The following ACSM3 variants were observed in gnomAD, a reference collection of about 807,000 sequenced individuals.
ACSM3 encodes the protein acyl-coenzyme A synthetase ACSM3, mitochondrial.
ACSM3 carries 61 observed loss-of-function variants against 74.1 expected under a neutral mutation model. The ratio of observed to expected loss-of-function variants is 0.82; its 90% CI spans 0.67 to 1.02. The LOEUF is 1.02. ACSM3 is among the 50% of genes least tolerant of loss of function. The pLI, the probability that ACSM3 is intolerant of heterozygous loss-of-function variation, is 0.00. For synonymous variants in ACSM3, 213 were observed against 241.5 expected (o/e 0.88, Z 1.09); for missense variants, 660 against 697.0 (o/e 0.95, Z 0.60).
chr16:20,748,218 T>G (rs933523099), intron 1 of ACSM3, among the ~76,000 whole-genome samples: 1 of 152,168 alleles, frequency 6.6e-6, no homozygotes, highest in African/African-American at 2.4e-5. Flanking sequence ...TTAGAGGTTC[T>G]TTCAGTACAA....
intron 1 of ACSM3, among the ~76,000 whole-genome samples, chr16:20,742,940 ATTTTTT>A (rs1218181518): frequency 8.2e-6 from 1 of 121,700 alleles, no homozygotes; most frequent in Non-Finnish European, 1.7e-5. Context: ...ATGTTTGTCT[ATTTTTT>A]TTTTTTTTTT....
chr16:20,776,351 G>T (rs1035548228), intron 3 of ACSM3, among the ~76,000 whole-genome samples: 1 of 152,160 alleles, frequency 6.6e-6, no homozygotes, highest in African/African-American at 2.4e-5. Flanking sequence ...GAACCCTGAT[G>T]GAGAGGCCTG....
At chr16:20,734,247 G>A (rs2152412461) in intron 1 of ACSM3, 1 of 152,680 alleles carries the variant, frequency 6.5e-6, no homozygotes, top group East Asian at 1.9e-4. Context: ...TTTCTTCCGA[G>A]TCCTTTTGTC....
Position 20,704,140 on chromosome 16 carries a change from A to G in ACSM3, c.-190+29318A>G, listed in dbSNP as rs144130637. 1.3e-3 allele frequency among the ~76,000 whole-genome samples: 205 copies of G among 152,304 alleles called. 1 individual carries two copies. The highest frequency in any genetic ancestry group is 4.7e-3 in the African/African-American group (197 of 41,562). On this transcript the variant is annotated intron_variant, in intron 1 of 3. Transcript: ENST00000561584. ...CTGCAAGCTTGATATTTTTATTTTC[A>G]TTACAAAGATGAAGAAATTGAGACT...
At position 20,780,834 on chromosome 16, in the gene ACSM3, TTTAGGATTATCTG is replaced by T. The variant is rs1360446258; in HGVS notation, c.761_773del (p.Leu254Ter). 6 of 1,614,032 alleles carry T rather than the reference TTTAGGATTATCTG, an allele frequency of 3.7e-6. No individual in the cohort carries two copies. Among genetic ancestry groups the T allele is most frequent in the Admixed American group, 1.7e-5 (1 of 59,996 alleles). ...CTGCACACACCCACAGCAGTTTTGGTTTAGGATTATCTGTAAATGGAAGGTATACTTTCACAAA... is the reference window on the plus strand; with the variant it reads ...CTGCACACACCCACAGCAGTTTTGGTTAAATGGAAGGTATACTTTCACAAA... On this transcript the variant is annotated frameshift_variant, in exon 5 of 14. Coordinates refer to ENST00000289416, the MANE Select transcript of ACSM3 (RefSeq NM_005622.4). LOFTEE classifies it high-confidence loss of function.
intron 2 of ACSM3, among the ~76,000 whole-genome samples, chr16:20,755,414 A>G (rs186396897): frequency 6.6e-6 from 1 of 152,306 alleles, no homozygotes; most frequent in East Asian, 1.9e-4. Flanking sequence ...ACAATTAGGT[A>G]TGCTTGAAAT....
In ACSM3 at chr16:20,776,030, T is replaced by A. The variant is rs1346550429; in HGVS notation, c.411T>A (p.Asn137Lys). The A allele has an allele frequency of 6.2e-7, 1 of 1,614,030 alleles. No homozygotes were observed. Among genetic ancestry groups the A allele is most frequent in the Non-Finnish European group, 8.5e-7 (1 of 1,180,020 alleles). The part of the protein sequence containing the change: ...LPRVPEWWLA[N>K]VACLRTGTVL... ...GGGTCCCAGAGTGGTGGCTTGCAAA[T>A]GTGGCCTGTCTGCGAACAGGTTAGT... The change falls in exon 3 of 14, where the codon AAT becomes AAA. Residue 137 changes from asparagine to lysine, a missense_variant. Transcript: ENST00000289416.
At chr16:20,718,942 A>T (rs1231370487) in intron 1 of ACSM3, among the ~76,000 whole-genome samples, 1 of 152,250 alleles carries the variant, frequency 6.6e-6, no homozygotes, top group Admixed American at 6.5e-5. Flanking sequence ...GCTGTAGAAC[A>T]GTGCTTAGCA....
chr16:20,685,518 T>TC, intron 1 of ACSM3: 1 of 998,190 alleles, frequency 1.0e-6, no homozygotes, highest in East Asian at 2.4e-5. Context: ...AGGACTGAGA[T>TC]CCCATTTTAA....
intron 1 of ACSM3, among the ~76,000 whole-genome samples, chr16:20,737,446 C>A (rs907154965): frequency 6.6e-6 from 1 of 152,164 alleles, no homozygotes; most frequent in South Asian, 2.1e-4. Flanking sequence ...TAAATAAACA[C>A]AAATGAAACC....
rs144411258 is a variant in ACSM3, at chr16:20,785,140, T to C, written c.1143+33T>C. 2.4e-4 allele frequency: 394 copies of C among 1,610,230 alleles called. 2 individuals carry two copies. In the African/African-American group the frequency reaches 4.8e-3, roughly 20 times the overall value. ...ACCTCACTGAAAAGACATAGCTGGATTCCATTTAGTCAGATGAATAAAAAC... is the reference window on the plus strand; with the variant it reads ...ACCTCACTGAAAAGACATAGCTGGACTCCATTTAGTCAGATGAATAAAAAC... On this transcript the variant is annotated intron_variant, in intron 8 of 13. Coordinates refer to ENST00000289416, the MANE Select transcript of ACSM3 (RefSeq NM_005622.4).
At chr16:20,685,723 G>C (rs533121812) in intron 1 of ACSM3, among the ~76,000 whole-genome samples, 1 of 151,116 alleles carries the variant, frequency 6.6e-6, no homozygotes, top group Non-Finnish European at 1.5e-5. Context: ...AGGAGGCTGA[G>C]GTAGGAGAAT....
upstream of ACSM3, chr16:20,763,793 A>G (rs905237174): frequency 6.6e-6 from 1 of 152,030 alleles, no homozygotes; most frequent in Non-Finnish European, 1.5e-5. Flanking sequence ...AGAACTAACC[A>G]CTTCGGCAAC....
At chr16:20,750,282 G>A (rs1427384116) in intron 2 of ACSM3, among the ~76,000 whole-genome samples, 1 of 152,074 alleles carries the variant, frequency 6.6e-6, no homozygotes. Flanking sequence ...TGTTAAAATA[G>A]TGTTATTTCT....
At chr16:20,688,658 A>G (rs2079597480) in intron 1 of ACSM3, among the ~76,000 whole-genome samples, 1 of 152,112 alleles carries the variant, frequency 6.6e-6, no homozygotes, top group African/African-American at 2.4e-5. Flanking sequence ...CCAACCAAGA[A>G]TTTTACATCC....
intron 1 of ACSM3, among the ~76,000 whole-genome samples, chr16:20,712,461 A>G (rs966996443): frequency 6.6e-6 from 1 of 152,204 alleles, no homozygotes; most frequent in Non-Finnish European, 1.5e-5. Flanking sequence ...CATATGTAAA[A>G]TGAGGATAAT....
At chr16:20,743,376 T>G (rs930485721) in intron 1 of ACSM3, among the ~76,000 whole-genome samples, 1 of 152,224 alleles carries the variant, frequency 6.6e-6, no homozygotes, top group African/African-American at 2.4e-5. Context: ...TTGGCTGGTG[T>G]TGTTTCATGC....
intron 1 of ACSM3, chr16:20,722,082 A>G (rs910179604): frequency 1.3e-5 from 2 of 152,270 alleles, no homozygotes; most frequent in Non-Finnish European, 2.9e-5. Flanking sequence ...CTGGATCCTC[A>G]TTCAATGTCA....
intron 1 of ACSM3, chr16:20,722,024 T>C (rs1393866681): frequency 6.6e-6 from 1 of 152,182 alleles, no homozygotes; most frequent in Non-Finnish European, 1.5e-5. Flanking sequence ...CTGGGATAAA[T>C]ATTGTAGAAA....
Sources: gnomAD v4.1 joint callset for allele counts (sites outside exome capture counted in the v4.1 genomes callset) on GRCh38, gnomAD v4.1.1 for gene constraint, MANE v1.5 for transcripts, NCBI Gene and HGNC (gene_info 2026-07-23, HGNC 2026-07-21) for gene names.